Variants in FN1 observed in about 807,000 individuals in gnomAD.
The protein encoded by FN1 is fibronectin 1.
Under a neutral mutation model 297.3 loss-of-function variants are expected in FN1, and 106 were observed. The ratio of observed to expected loss-of-function variants is 0.36; its 90% CI spans 0.30 to 0.42. The LOEUF is 0.42. FN1 is among the 10% of genes least tolerant of loss of function. The pLI, the probability that FN1 is intolerant of heterozygous loss-of-function variation, is 1.00. For synonymous variants in FN1, 1,149 were observed against 1,152.6 expected (o/e 1.00, Z 0.06); for missense variants, 2,690 against 3,124.9 (o/e 0.86, Z 3.32).
intron 28 of FN1, 94 bp downstream of exon 28, chr2:215,386,590 TTTTTG>T: frequency 9.4e-5 from 54 of 576,806 alleles, no homozygotes; most frequent in South Asian, 3.6e-4. Context: ...TTTTTTTTTT[TTTTTG>T]AGAGCTGATG....
chr2:215,399,940 C>T (rs1437808250), intron 20 of FN1, among the ~76,000 whole-genome samples: 2 of 152,078 alleles, frequency 1.3e-5, no homozygotes, highest in Non-Finnish European at 2.9e-5. Context: ...GTAATCCCAG[C>T]ACTTTGGGAA....
At chr2:215,416,133 G>C (rs1430802071) in intron 12 of FN1, among the ~76,000 whole-genome samples, 1 of 152,052 alleles carries the variant, frequency 6.6e-6, no homozygotes, top group Non-Finnish European at 1.5e-5. Flanking sequence ...GCTTTCTGTA[G>C]CAGAAAAAAT....
intron 44 of FN1, chr2:215,364,485 C>G (rs1013409803): frequency 6.8e-6 from 2 of 295,492 alleles, no homozygotes; most frequent in African/African-American, 4.3e-5. Flanking sequence ...GAAACACATT[C>G]TATTTACCAC....
Position 215,391,698 on chromosome 2 carries a change from C to T in FN1, c.4186G>A (p.Val1396Met), listed in dbSNP as rs1001840139. The T allele has an allele frequency of 6.2e-7, 1 of 1,614,002 alleles. No individual in the cohort carries two copies. The highest frequency in any genetic ancestry group is 1.3e-5 in the African/African-American group (1 of 74,930). ...TCTGCAACATCTTCCTCATTTTTCA[C>T]AGGTGAGTAACGCACCAGGAAGTTG... ...LTNFLVRYSP[V>M]KNEEDVAELS... The change falls in exon 26 of 46, where the codon GTG (valine) becomes ATG (methionine). Residue 1396 changes from valine to methionine, a missense_variant. Physicochemically the swap from Val to Met is conservative, Grantham distance 21. Coordinates refer to ENST00000354785, the MANE Select transcript of FN1 (RefSeq NM_212482.4).
chr2:215,361,542 T>C lies in FN1; in HGVS notation c.*13A>G. ...AGAGAGACATGCTTGTTCCTCTGGA[T>C]TGGAAAGATGATTTACTCTCGGGAA... On this transcript the variant is annotated 3_prime_UTR_variant, in exon 46 of 46. Coordinates refer to ENST00000354785, the MANE Select transcript of FN1 (RefSeq NM_212482.4). The C allele has an allele frequency of 1.3e-6, 2 of 1,579,772 alleles. No individual in the cohort carries two copies. The highest frequency in any genetic ancestry group is 1.1e-5 in the South Asian group (1 of 90,350).
chr2:215,407,350 C>G (rs771492785), intron 17 of FN1, 29 bp from the exon 18 acceptor site: 1 of 1,575,540 alleles, frequency 6.3e-7, no homozygotes, highest in South Asian at 1.1e-5. Context: ...AAGTAAGATG[C>G]ACTGTTTTCT....
chr2:215,397,887 AT>A (rs2060495133), intron 21 of FN1, 39 bp from the exon 22 acceptor site: 9 of 1,589,864 alleles, frequency 5.7e-6, no homozygotes, highest in Non-Finnish European at 7.8e-6. Context: ...AAGGACAAAT[AT>A]TTCCAGAGGA....
At position 215,380,867 on chromosome 2, in the gene FN1, A is replaced by T; in HGVS notation, c.5378T>A (p.Val1793Glu). 6.2e-7 allele frequency: 1 copy of T among 1,614,110 alleles called. No homozygotes were observed. ...LRPGSEYTVS[V>E]VALHDDMESQ... ...CTCCATATCATCGTGCAAGGCAACC[A>T]CACTGACTGTGTACTCAGAACCCGG... Residue 1793 changes from valine to glutamate, a missense_variant, in exon 33 of 46, where the codon GTG (valine) becomes GAG (glutamate). Transcript: ENST00000354785.
At chr2:215,423,039 GA>G (rs950992585) in intron 9 of FN1, among the ~76,000 whole-genome samples, 3 of 152,098 alleles carry the variant, frequency 2.0e-5, no homozygotes, top group Admixed American at 6.5e-5. Flanking sequence ...TCTTTACAAA[GA>G]CAAACCTGTG....
At chr2:215,371,571 T>A (rs1210257910) in intron 40 of FN1, among the ~76,000 whole-genome samples, 1 of 149,596 alleles carries the variant, frequency 6.7e-6, no homozygotes, top group Non-Finnish European at 1.5e-5. Context: ...AGCTAGTGAC[T>A]CTCTGGTATG....
At position 215,386,978 on chromosome 2, in the gene FN1, G is replaced by A. The variant is rs753354813; in HGVS notation, c.4343-20C>T. On this transcript the variant is annotated intron_variant, in intron 27 of 45. Coordinates refer to ENST00000354785, the MANE Select transcript of FN1 (RefSeq NM_212482.4). Reference sequence around the variant, plus strand: ...CAAGACCTGTTTTTCCCACCCGGGGGAGGAAGAGAAAAAAAAAAGAAAAGA... The same window carrying A: ...CAAGACCTGTTTTTCCCACCCGGGGAAGGAAGAGAAAAAAAAAAGAAAAGA... 1.5e-5 allele frequency: 24 copies of A among 1,599,350 alleles called. No homozygotes were observed. The highest frequency in any genetic ancestry group is 2.7e-5 in the African/African-American group (2 of 73,994).
chr2:215,399,113 T>G lies in FN1; in HGVS notation c.3348+144A>C, dbSNP rs530811318. On this transcript the variant is annotated intron_variant, in intron 21 of 45. Transcript: ENST00000354785. ...TAGGCAGGGAAGGACTGTTAGGCCC[T>G]GACAATGTAGTCAAAGATGTATGGA... is the stretch of plus-strand genomic sequence containing the variant. The G allele has an allele frequency of 2.7e-5, 19 of 708,596 alleles. No individual in the cohort carries two copies. The South Asian group carries it at 2.8e-4, about 10-fold the overall frequency. 43.9% of individuals were successfully genotyped at this position (708,596 alleles called of 1,614,324 possible).
Position 215,434,770 on chromosome 2 carries a change from G to T in FN1, c.203C>A (p.Thr68Asn), listed in dbSNP as rs2067165936. 6 of 1,614,010 alleles carry T rather than the reference G, an allele frequency of 3.7e-6. No individual in the cohort carries two copies. Among genetic ancestry groups the T allele is most frequent in the Non-Finnish European group, 5.1e-6 (6 of 1,179,900 alleles). ...HYQINQQWER[T>N]YLGNALVCTC... is the part of the protein sequence containing the mutation. ...ACAAACCAACGCATTGCCTAGGTAG[G>T]TCCGCTCCCACTGTTGATTTATCTG... is the stretch of plus-strand genomic sequence containing the variant. The change falls in exon 2 of 46, where the codon ACC (threonine) becomes AAC (asparagine). Residue 68 changes from threonine to asparagine, a missense_variant. Transcript: ENST00000354785.
rs114392645 is a variant in FN1, at chr2:215,404,916, C to T, written c.2987-261G>A. On this transcript the variant is annotated intron_variant, in intron 19 of 45. Transcript: ENST00000354785. ...AAGTCTAATTTTCCAGCAAGACTTT[C>T]GCATCAGTCTCAGAAATTATAGTTA... Among the ~76,000 whole-genome samples, 2,108 of 152,228 alleles carry T rather than the reference C, an allele frequency of 0.014. 58 individuals are homozygous for T. The highest frequency in any genetic ancestry group is 0.048 in the African/African-American group (1,985 of 41,514).
At chr2:215,422,969 A>G (rs1389690706) in intron 9 of FN1, among the ~76,000 whole-genome samples, 1 of 152,184 alleles carries the variant, frequency 6.6e-6, no homozygotes, top group Non-Finnish European at 1.5e-5. Flanking sequence ...TCAATATTGT[A>G]GCTCTGTGAC....
rs543392035 is a variant in FN1, at chr2:215,384,006, G to A, written c.4894+14C>T. The A allele has an allele frequency of 5.0e-6, 8 of 1,613,764 alleles. No individual in the cohort carries two copies. In the East Asian group the frequency reaches 1.3e-4, roughly 27 times the overall value. On this transcript the variant is annotated intron_variant, in intron 30 of 45. Transcript: ENST00000354785. The stretch of plus-strand genomic sequence containing the variant: ...AAGTAAAAGCTGGTGTCACCCCAGA[G>A]TAGAAGTTTGTACCTGTTCGGTAAT...
At position 215,386,907 on chromosome 2, in the gene FN1, A is replaced by G. The variant is rs550281949; in HGVS notation, c.4394T>C (p.Phe1465Ser). 1 of 1,613,528 alleles carries G rather than the reference A, an allele frequency of 6.2e-7. No homozygotes were observed. The highest frequency in any genetic ancestry group is 2.2e-5 in the East Asian group (1 of 44,814). Reference sequence around the variant, plus strand: ...TCGAGGAGCAATCCAGTGCACAGTAAAAGAGTTGGCAGTAATATCAGAAAA... The same window carrying G: ...TCGAGGAGCAATCCAGTGCACAGTAGAAGAGTTGGCAGTAATATCAGAAAA... ...IDFSDITANS[F>S]TVHWIAPRAT... is the part of the protein sequence containing the mutation. Residue 1465 changes from phenylalanine to serine, a missense_variant, in exon 28 of 46, where the codon TTT becomes TCT. By Grantham distance (155) the Phe-to-Ser change is radical. Transcript: ENST00000354785.
At chr2:215,404,311 T>TGG in intron 20 of FN1, 78 bp downstream of exon 20, 9 of 1,360,472 alleles carry the variant, frequency 6.6e-6, no homozygotes, top group African/African-American at 1.4e-5. Context: ...TTTTTTTGTT[T>TGG]TGTTTTGTTT....
intron 23 of FN1, 97 bp downstream of exon 23, chr2:215,397,040 T>A: frequency 2.4e-6 from 2 of 849,192 alleles, no homozygotes; most frequent in Non-Finnish European, 4.1e-6. Flanking sequence ...CATTTGTAAT[T>A]TGAATCCCTT....
Sources: allele counts gnomAD v4.1 joint callset (sites outside exome capture counted in the v4.1 genomes callset), GRCh38; gene constraint gnomAD v4.1.1; transcripts MANE v1.5; gene names NCBI Gene and HGNC (gene_info 2026-07-23, HGNC 2026-07-21).